The following HOOK2 variants were observed in gnomAD, a reference collection of about 807,000 sequenced individuals.
The protein encoded by HOOK2 is protein Hook homolog 2.
A neutral mutation model predicts 111.9 loss-of-function variants in HOOK2; 108 were observed. That is an observed-to-expected ratio of 0.96 (90% CI 0.83 to 1.13). The LOEUF is 1.13. HOOK2 is among the 50% of genes most tolerant of loss of function. The pLI is 0.00. For synonymous variants in HOOK2, 405 were observed against 394.3 expected (o/e 1.03, Z -0.32); for missense variants, 978 against 951.3 (o/e 1.03, Z -0.37).
At chr19:12,766,460 G>C in intron 14 of HOOK2, 1 of 536,450 alleles carries the variant, frequency 1.9e-6, no homozygotes, top group Non-Finnish European at 3.2e-6. Context: ...GCTAGGCAGG[G>C]GCGGAGCTAC....
At position 12,790,207 on chromosome 19, in the gene HOOK2, G is replaced by T. The variant is rs1282883866; in HGVS notation, n.42-15982C>A. ...CTCCAAGCACCCGGGCCTCCGCGGGGGCTCGCACGCCCAGGTTCCTCTTCC... is the reference window on the plus strand; with the variant it reads ...CTCCAAGCACCCGGGCCTCCGCGGGTGCTCGCACGCCCAGGTTCCTCTTCC... On this transcript the variant is annotated intron_variant and non_coding_transcript_variant, in intron 3 of 3. Coordinates refer to the HOOK2 transcript ENST00000589765. This position sits in a 1 kb window ranked among gnomAD's most constrained non-coding sequence, Gnocchi z 7.2. Among the ~76,000 whole-genome samples, 1 of 152,232 alleles carries T rather than the reference G, an allele frequency of 6.6e-6. No homozygotes were observed. The highest frequency in any genetic ancestry group is 2.4e-5 in the African/African-American group (1 of 41,466).
chr19:12,786,624 T>G lies in HOOK2; in HGVS notation n.42-12399A>C, dbSNP rs1286125959. 1.3e-5 allele frequency among the ~76,000 whole-genome samples: 2 copies of G among 152,084 alleles called. No individual in the cohort carries two copies. The highest frequency in any genetic ancestry group is 6.5e-5 in the Admixed American group (1 of 15,276). ...GGGGGCTGTTCTCCCACCCTCCTCG[T>G]GGGGCCGGCCTGGCGCCAGTGGGGC... On this transcript the variant is annotated intron_variant and non_coding_transcript_variant, in intron 3 of 3. Coordinates refer to the HOOK2 transcript ENST00000589765. This position sits in a 1 kb window ranked among gnomAD's most constrained non-coding sequence, Gnocchi z 4.3.
chr19:12,792,075 A>T, intron 3 of HOOK2: 1 of 1,606,564 alleles, frequency 6.2e-7, no homozygotes, highest in Non-Finnish European at 8.5e-7. Flanking sequence ...GATCACGACG[A>T]CGCCTACACC....
At chr19:12,773,107 C>T in intron 3 of HOOK2, 63 bp from the exon 4 acceptor site, 8 of 1,485,626 alleles carry the variant, frequency 5.4e-6, no homozygotes. Context: ...CTGTAGGTCC[C>T]ATCCTCTCTC....
At position 12,770,984 on chromosome 19, in the gene HOOK2, T is replaced by C; in HGVS notation, c.850A>G (p.Thr284Ala). The change falls in exon 10 of 23, where the codon ACT (threonine) becomes GCT (alanine). Residue 284 changes from threonine (T) to alanine (A), a missense_variant. Around this residue, in one of 5 missense-constraint regions of HOOK2, gnomAD observed 388 missense variants for 358.3 expected, o/e 1.08. Transcript: ENST00000397668. ...GCCTGTGCCTCCTGGGCCAGGCTAG[T>C]CAGCGCCTGGTTCCGGTGCTGCAGC... Reference protein sequence around the residue: ...AELQHRNQALTSLAQEAQALK... With the variant: ...AELQHRNQALASLAQEAQALK... 6.2e-7 allele frequency: 1 copy of C among 1,611,844 alleles called. No individual in the cohort carries two copies. Among genetic ancestry groups the C allele is most frequent in the Non-Finnish European group, 8.5e-7 (1 of 1,179,338 alleles).
At chr19:12,784,232 G>T (rs1599519938) in intron 3 of HOOK2, among the ~76,000 whole-genome samples, 1 of 152,134 alleles carries the variant, frequency 6.6e-6, no homozygotes, top group Admixed American at 6.5e-5. Flanking sequence ...CGGGCGGGGG[G>T]CTGTAGGAAT....
In HOOK2 at chr19:12,791,438, G is replaced by A. The variant is rs751708346; in HGVS notation, n.42-17213C>T. ...CGACGGCCAATCGGAGCGCACTTCCGTGGCTGACTAGCGCGGTATAAAGGC... is the reference window on the plus strand; with the variant it reads ...CGACGGCCAATCGGAGCGCACTTCCATGGCTGACTAGCGCGGTATAAAGGC... On this transcript the variant is annotated intron_variant and non_coding_transcript_variant, in intron 3 of 3. Coordinates refer to the HOOK2 transcript ENST00000589765. The surrounding 1 kb of genome is among the most constrained non-coding windows in gnomAD (Gnocchi z 7.0). 7 of 208,096 alleles carry A rather than the reference G, an allele frequency of 3.4e-5. No individual in the cohort carries two copies. Among genetic ancestry groups the A allele is most frequent in the Non-Finnish European group, 4.8e-5 (5 of 104,724 alleles). The allele number at this position is 208,096 out of a possible 1,614,324, so 12.9% of individuals were successfully genotyped here.
intron 18 of HOOK2, 194 bp downstream of exon 18, chr19:12,765,496 C>T (rs1018610040): frequency 2.0e-5 from 14 of 716,992 alleles, no homozygotes; most frequent in Non-Finnish European, 2.6e-5. Flanking sequence ...GCCTGTAATC[C>T]CAGCACTTTG....
chr19:12,782,307 G>C (rs1307128753), upstream of HOOK2, among the ~76,000 whole-genome samples: 2 of 152,236 alleles, frequency 1.3e-5, no homozygotes, highest in African/African-American at 4.8e-5. Context: ...CGTGTTCGCT[G>C]CGAGGCTGGC....
In HOOK2 at chr19:12,771,041, G is replaced by A. The variant is rs148596780; in HGVS notation, c.793C>T (p.Arg265Cys). The A allele has an allele frequency of 2.4e-4, 394 of 1,612,344 alleles. 3 individuals are homozygous for A. The East Asian group carries it at 7.5e-3, about 31-fold the overall frequency. ...LESGREDERL[R>C]CAELEREVAE... ...ACCTCCCTCTCCAGCTCGGCACAGC[G>A]CAGGCGCTCATCCTCCCTGCCACTC... The change falls in exon 10 of 23, where the codon CGC (arginine) becomes TGC (cysteine). Residue 265 changes from arginine to cysteine, a missense_variant. Around this residue, in one of 5 missense-constraint regions of HOOK2, gnomAD observed 388 missense variants for 358.3 expected, o/e 1.08. Coordinates refer to ENST00000397668, the MANE Select transcript of HOOK2 (RefSeq NM_013312.3).
rs532203159 is a variant in HOOK2 at position 12,790,208 on chromosome 19, G to A, written n.42-15983C>T. On this transcript the variant is annotated intron_variant and non_coding_transcript_variant, in intron 3 of 3. Coordinates refer to the HOOK2 transcript ENST00000589765. This position sits in a 1 kb window ranked among gnomAD's most constrained non-coding sequence, Gnocchi z 7.2. ...TCCAAGCACCCGGGCCTCCGCGGGG[G>A]CTCGCACGCCCAGGTTCCTCTTCCG... Among the ~76,000 whole-genome samples the A allele has an allele frequency of 1.3e-5, 2 of 152,346 alleles. No homozygotes were observed. The highest frequency in any genetic ancestry group is 4.1e-4 in the South Asian group (2 of 4,834).
Position 12,775,294 on chromosome 19 carries a change from C to G in HOOK2, c.45+111G>C. On this transcript the variant is annotated intron_variant, in intron 1 of 22. Coordinates refer to ENST00000397668, the MANE Select transcript of HOOK2 (RefSeq NM_013312.3). ...AGAGTCCAACGGTCCAGCAAGTCGA[C>G]GACCCCGCACCTCCCAGCCCCAGCA... The G allele has an allele frequency of 2.0e-6, 3 of 1,494,456 alleles. No individual in the cohort carries two copies. In the South Asian group the frequency reaches 3.9e-5, roughly 20 times the overall value. The allele number at this position is 1,494,456 out of a possible 1,614,324, so 92.6% of individuals were successfully genotyped here. A position where few individuals can be genotyped will look rare whatever the true frequency, so the allele number is the denominator to read the frequency against.
chr19:12,770,698 G>A (rs1968296911), intron 10 of HOOK2, among the ~76,000 whole-genome samples: 1 of 136,900 alleles, frequency 7.3e-6, no homozygotes. Context: ...GAAGCATACT[G>A]TGGGATAAGG....
At chr19:12,781,609 A>G (rs751529096), upstream of HOOK2, among the ~76,000 whole-genome samples, 3 of 152,088 alleles carry the variant, frequency 2.0e-5, no homozygotes, top group East Asian at 5.8e-4. Context: ...TACAGGCGTA[A>G]GCCATCGCGC....
chr19:12,770,441 T>C (rs2145752994), intron 10 of HOOK2, among the ~76,000 whole-genome samples: 1 of 150,610 alleles, frequency 6.6e-6, no homozygotes, highest in Non-Finnish European at 1.5e-5. Context: ...TCCTTAGAAG[T>C]GCAATTGGGG....
chr19:12,766,187 G>T lies in HOOK2; in HGVS notation c.1427C>A (p.Ala476Glu). ...LENKRLCRQE[A>E]ADRERQEELQ... ...CTCCTCCTGCCGCTCCCGGTCGGCCGCCTCCTGCCTGCACAGCCGCTTGTT... is the reference window on the plus strand; with the variant it reads ...CTCCTCCTGCCGCTCCCGGTCGGCCTCCTCCTGCCTGCACAGCCGCTTGTT... The change falls in exon 15 of 23, where the codon GCG becomes GAG. Residue 476 changes from alanine to glutamate, a missense_variant. Around this residue, in one of 5 missense-constraint regions of HOOK2, gnomAD observed 388 missense variants for 358.3 expected, o/e 1.08. Coordinates refer to ENST00000397668, the MANE Select transcript of HOOK2 (RefSeq NM_013312.3). The T allele has an allele frequency of 6.3e-7, 1 of 1,595,934 alleles. No individual in the cohort carries two copies. Among genetic ancestry groups the T allele is most frequent in the Admixed American group, 1.7e-5 (1 of 59,492 alleles).
intron 20 of HOOK2, chr19:12,764,561 C>T (rs1018429448): frequency 2.3e-5 from 12 of 511,772 alleles, no homozygotes; most frequent in Admixed American, 1.7e-4. Flanking sequence ...AACTCCTGAC[C>T]TCATGTTCCG....
chr19:12,767,421 G>A lies in HOOK2; in HGVS notation c.1347C>T (p.Ala449=), dbSNP rs763056963. ...TGAGCTCCGCAGGCAGGATCTCTGCGGCTAAGTTATCCACGGGTGTGGAGG... is the reference window on the plus strand; with the variant it reads ...TGAGCTCCGCAGGCAGGATCTCTGCAGCTAAGTTATCCACGGGTGTGGAGG... ...DPTSTPVDNL[A]AEILPAELRE... The change falls in exon 14 of 23, where the codon GCC becomes GCT. Residue 449 remains alanine, a synonymous_variant. Coordinates refer to ENST00000397668, the MANE Select transcript of HOOK2 (RefSeq NM_013312.3). 14 of 1,613,958 alleles carry A rather than the reference G, an allele frequency of 8.7e-6. No homozygotes were observed. The highest frequency in any genetic ancestry group is 1.6e-4 in the Middle Eastern group (1 of 6,084).
Position 12,770,916 on chromosome 19 carries a change from G to A in HOOK2, c.902+16C>T, listed in dbSNP as rs1457601685. 6.3e-7 allele frequency: 1 copy of A among 1,586,524 alleles called. No individual in the cohort carries two copies. Among genetic ancestry groups the A allele is most frequent in the South Asian group, 1.1e-5 (1 of 90,082 alleles). On this transcript the variant is annotated intron_variant, in intron 10 of 22. Transcript: ENST00000397668. ...CCCCGCCCCCCGTGATGGGGACCCAGGAACCCACCACTCACCGTAGTTCAT... is the reference window on the plus strand; with the variant it reads ...CCCCGCCCCCCGTGATGGGGACCCAAGAACCCACCACTCACCGTAGTTCAT...
Sources: allele counts gnomAD v4.1 joint callset (sites outside exome capture counted in the v4.1 genomes callset), GRCh38; gene constraint gnomAD v4.1.1; regional missense constraint gnomAD v4.1.1; non-coding constraint Gnocchi (gnomAD v3.1); transcripts MANE v1.5; gene names NCBI Gene and HGNC (gene_info 2026-07-23, HGNC 2026-07-21).